GLRA2: variants seen among roughly 807,000 people sequenced by gnomAD.
The protein encoded by GLRA2 is glycine receptor alpha 2.
In GLRA2, 11 loss-of-function variants were observed where a neutral mutation model predicts 31.6. The observed-to-expected ratio is 0.35, with a 90% CI of 0.22 to 0.58. GLRA2 has a LOEUF of 0.58. Ranked by LOEUF, GLRA2 falls within the 20% of genes least tolerant of loss-of-function variation. The pLI, the probability that GLRA2 is intolerant of heterozygous loss-of-function variation, is 0.84. For synonymous variants in GLRA2, 132 were observed against 134.0 expected, an observed-to-expected ratio of 0.99 and a Z score of 0.10; for missense variants, 212 against 351.8, an observed-to-expected ratio of 0.60 and a Z score of 3.18.
chrX:14,667,030 C>A (rs2091044010), intron 7 of GLRA2, among the ~76,000 whole-genome samples: 1 of 112,355 alleles, frequency 8.9e-6, no homozygotes. Context: ...CTCAGCATTT[C>A]ACACACAAGG....
chrX:14,473,984 A>G, the GLRA2 span, among the ~76,000 whole-genome samples: 1 of 111,525 alleles, frequency 9.0e-6, no homozygotes, highest in African/African-American at 3.3e-5. Context: ...CGTTTTTTAC[A>G]GGGATCCAGA....
At chrX:14,669,405 C>T (rs899106824) in intron 7 of GLRA2, among the ~76,000 whole-genome samples, 6 of 111,831 alleles carry the variant, frequency 5.4e-5, no homozygotes, top group African/African-American at 1.9e-4. Flanking sequence ...GGTGGTGTCT[C>T]AGTAGGGACT....
At chrX:14,486,968 G>A in the GLRA2 span, among the ~76,000 whole-genome samples, 1 of 110,817 alleles carries the variant, frequency 9.0e-6, no homozygotes, top group Non-Finnish European at 1.9e-5. Flanking sequence ...TGGGGGTGGG[G>A]TGGCATATGA....
intron 7 of GLRA2, among the ~76,000 whole-genome samples, chrX:14,641,406 T>C (rs1043715705): frequency 3.6e-5 from 4 of 111,979 alleles, no homozygotes; most frequent in African/African-American, 1.3e-4. Flanking sequence ...GCATTCTATA[T>C]GGCAGGAATT....
intron 7 of GLRA2, among the ~76,000 whole-genome samples, chrX:14,618,930 G>A (rs1227015988): frequency 2.7e-5 from 3 of 111,523 alleles, no homozygotes; most frequent in Non-Finnish European, 5.7e-5. Context: ...TAGTTCCTTC[G>A]TATATTTCAA....
intron 2 of GLRA2, among the ~76,000 whole-genome samples, chrX:14,572,346 C>T (rs1168743404): frequency 8.9e-6 from 1 of 111,853 alleles, no homozygotes; most frequent in Non-Finnish European, 1.9e-5. Flanking sequence ...ATTTTTCTAT[C>T]TATCTTGCAT....
At chrX:14,608,225 G>A (rs1217018371) in intron 6 of GLRA2, among the ~76,000 whole-genome samples, 1 of 111,046 alleles carries the variant, frequency 9.0e-6, no homozygotes, top group African/African-American at 3.3e-5. Flanking sequence ...AGTCAATTAA[G>A]GAGAAAAAAA....
chrX:14,539,520 A>G (rs892802903), intron 2 of GLRA2, among the ~76,000 whole-genome samples: 2 of 111,810 alleles, frequency 1.8e-5, no homozygotes, highest in Admixed American at 9.5e-5. Context: ...CAGTACATGT[A>G]AGAACAAAGT....
At chrX:14,469,249 G>C in the GLRA2 span, among the ~76,000 whole-genome samples, 2 of 111,863 alleles carry the variant, frequency 1.8e-5, no homozygotes, top group Non-Finnish European at 3.8e-5. Context: ...CCACACCTAT[G>C]TCCTGACTGG....
At chrX:14,493,638 T>C in the GLRA2 span, among the ~76,000 whole-genome samples, 3 of 102,504 alleles carry the variant, frequency 2.9e-5, no homozygotes, top group African/African-American at 1.0e-4. Flanking sequence ...TATACATATA[T>C]ACATATATAT....
At chrX:14,538,241 C>T (rs185554875) in intron 2 of GLRA2, among the ~76,000 whole-genome samples, 2 of 111,071 alleles carry the variant, frequency 1.8e-5, no homozygotes, top group Non-Finnish European at 3.8e-5. Context: ...GATGTCTTCA[C>T]CTATCTGTGC....
At chrX:14,575,663 A>G (rs1458789840) in intron 3 of GLRA2, among the ~76,000 whole-genome samples, 1 of 110,031 alleles carries the variant, frequency 9.1e-6, no homozygotes, top group Non-Finnish European at 1.9e-5. Flanking sequence ...ATCTCACTAT[A>G]TTGCCCAGGC....
chrX:14,531,525 T>C (rs1421858893), intron 1 of GLRA2, among the ~76,000 whole-genome samples: 2 of 111,446 alleles, frequency 1.8e-5, no homozygotes, highest in Non-Finnish European at 1.9e-5. Flanking sequence ...AAAGTCAAAA[T>C]GATTTAGAAG....
chrX:14,453,915 T>C, the GLRA2 span, among the ~76,000 whole-genome samples: 4 of 111,802 alleles, frequency 3.6e-5, no homozygotes, highest in Non-Finnish European at 7.5e-5. Context: ...CTGAGAATTA[T>C]GCTGAGTGAA....
At chrX:14,688,596 G>A (rs1233296178) in intron 7 of GLRA2, among the ~76,000 whole-genome samples, 7 of 111,645 alleles carry the variant, frequency 6.3e-5, no homozygotes, top group East Asian at 2.8e-4. Context: ...GGGACCCTCC[G>A]AGCCAGGCGC....
chrX:14,721,524 T>C (rs767090170), intron 8 of GLRA2, among the ~76,000 whole-genome samples: 2 of 111,591 alleles, frequency 1.8e-5, no homozygotes, highest in South Asian at 7.5e-4. Context: ...TAGAAGCTTA[T>C]TGTTTAGAGG....
At chrX:14,696,896 A>AGCC (rs2091455412) in intron 8 of GLRA2, among the ~76,000 whole-genome samples, 1 of 112,168 alleles carries the variant, frequency 8.9e-6, no homozygotes, top group Non-Finnish European at 1.9e-5. Flanking sequence ...TTCAGAACAT[A>AGCC]ATGTTTTATT....
chrX:14,591,629 C>T (rs1443632358), intron 4 of GLRA2, among the ~76,000 whole-genome samples: 3 of 112,035 alleles, frequency 2.7e-5, no homozygotes, highest in Non-Finnish European at 5.6e-5. Flanking sequence ...AGTCCACTGA[C>T]TCAAATGTTA....
chrX:14,671,104 T>A (rs779518869), intron 7 of GLRA2, among the ~76,000 whole-genome samples: 2 of 112,165 alleles, frequency 1.8e-5, no homozygotes, highest in South Asian at 7.4e-4. Context: ...AGGTCCTAAA[T>A]TGATTTGGTA....
Sources: allele counts gnomAD v4.1 joint callset (sites outside exome capture counted in the v4.1 genomes callset), GRCh38; gene constraint gnomAD v4.1.1; transcripts MANE v1.5; gene names NCBI Gene and HGNC (gene_info 2026-07-23, HGNC 2026-07-21).